The following ZFPM2 variants were observed in gnomAD, a reference collection of about 807,000 sequenced individuals.
The protein encoded by ZFPM2 is zinc finger protein ZFPM2.
ZFPM2 carries 20 observed loss-of-function variants against 98.6 expected under a neutral mutation model. The observed-to-expected ratio is 0.20, with a 90% CI of 0.14 to 0.29. The LOEUF is 0.29. ZFPM2 is among the 10% of genes least tolerant of loss of function. ZFPM2 has a pLI of 1.00. For missense variants in ZFPM2, 1,310 were observed against 1,388.6 expected (o/e 0.94, Z 0.90); for synonymous variants, 518 against 502.7 (o/e 1.03, Z -0.41).
intron 5 of ZFPM2, among the ~76,000 whole-genome samples, chr8:105,748,835 A>G (rs563211040): frequency 1.8e-4 from 27 of 152,198 alleles, no homozygotes; most frequent in African/African-American, 6.3e-4. Context: ...GCCTTTAGGA[A>G]AAAAATAAAA....
chr8:105,683,046 G>A (rs1810645231), intron 5 of ZFPM2, among the ~76,000 whole-genome samples: 1 of 152,042 alleles, frequency 6.6e-6, no homozygotes, highest in South Asian at 2.1e-4. Context: ...TCCTTACATG[G>A]TGGAAAGGCA....
intron 1 of ZFPM2, chr8:105,418,560 T>A (rs779216707): frequency 1.7e-5 from 9 of 515,622 alleles, no homozygotes; most frequent in South Asian, 7.1e-5. Flanking sequence ...TCAGAAAAAA[T>A]TCAATTAATT....
intron 1 of ZFPM2, among the ~76,000 whole-genome samples, chr8:105,322,062 A>G (rs1812035752): frequency 6.6e-6 from 1 of 151,812 alleles, no homozygotes; most frequent in Non-Finnish European, 1.5e-5. Context: ...TTCTCTCATA[A>G]GCTATTATTG....
Position 105,575,332 on chromosome 8 carries a change from C to T in ZFPM2, c.420+13851C>T, listed in dbSNP as rs1189484545. 1.3e-5 allele frequency among the ~76,000 whole-genome samples: 2 copies of T among 152,180 alleles called. 1 individual carries two copies. The highest frequency in any genetic ancestry group is 2.9e-5 in the Non-Finnish European group (2 of 68,044). The stretch of plus-strand genomic sequence containing the variant: ...AAACAATGAGCCGTTGTATCACCCC[C>T]CTCCCTTTCCCCAATTGTTGTAGCC... On this transcript the variant is annotated intron_variant, in intron 4 of 7. Coordinates refer to ENST00000407775, the MANE Select transcript of ZFPM2 (RefSeq NM_012082.4).
intron 4 of ZFPM2, among the ~76,000 whole-genome samples, chr8:105,564,129 C>T (rs1179453627): frequency 6.6e-6 from 1 of 151,804 alleles, no homozygotes; most frequent in Non-Finnish European, 1.5e-5. Flanking sequence ...TTTAATAGTT[C>T]TATATGACTG....
intron 3 of ZFPM2, among the ~76,000 whole-genome samples, chr8:105,554,534 T>C (rs1814940040): frequency 6.6e-6 from 1 of 152,192 alleles, no homozygotes; most frequent in East Asian, 1.9e-4. Context: ...GAAGAAAATA[T>C]AAATATGGGT....
intron 3 of ZFPM2, among the ~76,000 whole-genome samples, chr8:105,545,362 C>A (rs553355212): frequency 6.6e-6 from 1 of 151,996 alleles, no homozygotes; most frequent in African/African-American, 2.4e-5. Context: ...TTTGTAGTAG[C>A]CATCTCTCAT....
chr8:105,639,785 A>G (rs1816917221), intron 5 of ZFPM2, among the ~76,000 whole-genome samples: 1 of 152,046 alleles, frequency 6.6e-6, no homozygotes, highest in Admixed American at 6.6e-5. Flanking sequence ...GTGATATCGT[A>G]TTTATAGCGA....
intron 1 of ZFPM2, among the ~76,000 whole-genome samples, chr8:105,400,856 T>C (rs1281660009): frequency 1.3e-5 from 2 of 152,094 alleles, no homozygotes; most frequent in Admixed American, 6.6e-5. Flanking sequence ...GTGCTCAACA[T>C]TGACACCGGG....
chr8:105,801,217 T>C lies in ZFPM2; in HGVS notation c.1135T>C (p.Leu379=), dbSNP rs1813994336. ...HFGFQTQREL[L]QHQELHVPSG... is the part of the protein sequence containing the mutation. ...CGGCTTCCAGACTCAGAGGGAGTTA[T>C]TGCAGCACCAGGAGCTCCATGTCCC... The change falls in exon 8 of 8, where the codon TTG becomes CTG. Residue 379 remains leucine, a synonymous_variant. Transcript: ENST00000407775. The C allele has an allele frequency of 1.9e-6, 3 of 1,613,944 alleles. No individual in the cohort carries two copies. The highest frequency in any genetic ancestry group is 1.7e-5 in the Admixed American group (1 of 60,020).
chr8:105,462,218 C>T (rs1447694719), intron 3 of ZFPM2, among the ~76,000 whole-genome samples: 5 of 152,128 alleles, frequency 3.3e-5, no homozygotes, highest in Admixed American at 2.6e-4. Context: ...GTAACCTCCA[C>T]CATTCATCAA....
intron 3 of ZFPM2, among the ~76,000 whole-genome samples, chr8:105,548,305 T>A (rs973529728): frequency 2.0e-5 from 3 of 152,114 alleles, no homozygotes; most frequent in African/African-American, 7.2e-5. Flanking sequence ...AAGTAAGTTT[T>A]TCTAATAAGA....
At chr8:105,508,866 T>G (rs1396861178) in intron 3 of ZFPM2, among the ~76,000 whole-genome samples, 1 of 152,026 alleles carries the variant, frequency 6.6e-6, no homozygotes, top group African/African-American at 2.4e-5. Flanking sequence ...AAAAAATTTT[T>G]TTTTTAATGT....
At chr8:105,436,512 C>CAAAA (rs11295878) in intron 2 of ZFPM2, among the ~76,000 whole-genome samples, 28 of 100,554 alleles carry the variant, frequency 2.8e-4, no homozygotes, top group African/African-American at 8.4e-4. Flanking sequence ...AACTCCGTCT[C>CAAAA]AAAAAAAAAA....
intron 4 of ZFPM2, among the ~76,000 whole-genome samples, chr8:105,587,216 G>A (rs1341588402): frequency 3.3e-5 from 5 of 149,322 alleles, no homozygotes; most frequent in Non-Finnish European, 7.4e-5. Context: ...GGCGGAGCTT[G>A]CAGTGAGCAG....
chr8:105,652,807 T>C (rs1241373806), intron 5 of ZFPM2, among the ~76,000 whole-genome samples: 1 of 152,194 alleles, frequency 6.6e-6, no homozygotes, highest in Non-Finnish European at 1.5e-5. Flanking sequence ...TACATTTCTG[T>C]TCACCTCTCC....
At position 105,801,440 on chromosome 8, in the gene ZFPM2, G is replaced by T. The variant is rs181764739; in HGVS notation, c.1358G>T (p.Arg453Ile). The change falls in exon 8 of 8, where the codon AGA becomes ATA. Residue 453 changes from arginine to isoleucine, a missense_variant. Coordinates refer to ENST00000407775, the MANE Select transcript of ZFPM2 (RefSeq NM_012082.4). ...KKTQLFLTNQRPEIQPTTNKQ... is the reference protein window; with the variant it reads ...KKTQLFLTNQIPEIQPTTNKQ... ...ACTCAGCTCTTTCTCACGAACCAGA[G>T]ACCAGAGATACAGCCTACAACAAAT... 3 of 1,613,848 alleles carry T rather than the reference G, an allele frequency of 1.9e-6. No individual in the cohort carries two copies. Among genetic ancestry groups the T allele is most frequent in the Admixed American group, 3.3e-5 (2 of 59,984 alleles).
chr8:105,699,489 T>C (rs1477337645), intron 5 of ZFPM2, among the ~76,000 whole-genome samples: 1 of 152,134 alleles, frequency 6.6e-6, no homozygotes, highest in Non-Finnish European at 1.5e-5. Flanking sequence ...AACATATAGT[T>C]TGGAGTATTG....
intron 3 of ZFPM2, among the ~76,000 whole-genome samples, chr8:105,559,979 G>A (rs569248777): frequency 1.2e-4 from 18 of 152,100 alleles, no homozygotes; most frequent in Non-Finnish European, 1.3e-4. Flanking sequence ...AAGCCGAGGA[G>A]GGTGGATCAC....
Sources: allele counts gnomAD v4.1 joint callset (sites outside exome capture counted in the v4.1 genomes callset), GRCh38; gene constraint gnomAD v4.1.1; transcripts MANE v1.5; gene names NCBI Gene and HGNC (gene_info 2026-07-23, HGNC 2026-07-21).